Variants in DAB1 observed in about 807,000 individuals in gnomAD.
DAB1 encodes the protein DAB adaptor protein 1, also known as disabled homolog 1.
DAB1 carries 15 observed loss-of-function variants against 64.6 expected under a neutral mutation model. The ratio of observed to expected loss-of-function variants is 0.23; its 90% CI spans 0.16 to 0.36. DAB1 has a LOEUF of 0.36. Ranked by LOEUF, DAB1 falls within the 10% of genes least tolerant of loss-of-function variation. The pLI is 1.00. For missense variants in DAB1, 596 were observed against 706.7 expected, an observed-to-expected ratio of 0.84 and a Z score of 1.78; for synonymous variants, 235 against 251.9, an observed-to-expected ratio of 0.93 and a Z score of 0.64.
chr1:57,319,372 C>A (rs1675495626), intron 1 of DAB1, among the ~76,000 whole-genome samples: 1 of 141,066 alleles, frequency 7.1e-6, no homozygotes, highest in African/African-American at 2.4e-5. Flanking sequence ...ATCGCTGCCT[C>A]TTCTGTGGCA....
At chr1:58,032,149 G>A (rs776584558) in intron 5 of DAB1, among the ~76,000 whole-genome samples, 13 of 151,994 alleles carry the variant, frequency 8.6e-5, no homozygotes, top group South Asian at 2.1e-4. Context: ...AGACCCTAGT[G>A]CTAGTGAGTT....
intron 1 of DAB1, among the ~76,000 whole-genome samples, chr1:57,291,728 A>G (rs1304310686): frequency 6.6e-6 from 1 of 152,220 alleles, no homozygotes; most frequent in African/African-American, 2.4e-5. Context: ...TCCTCCAGCT[A>G]TAAGAGCAGA....
At chr1:57,731,933 A>T (rs1031087918) in intron 6 of DAB1, among the ~76,000 whole-genome samples, 3 of 152,136 alleles carry the variant, frequency 2.0e-5, no homozygotes, top group African/African-American at 7.2e-5. Context: ...CCTTCTTCAT[A>T]ATAATATGCA....
intron 7 of DAB1, among the ~76,000 whole-genome samples, chr1:57,595,631 C>T (rs546028261): frequency 1.4e-3 from 209 of 152,034 alleles, no homozygotes; most frequent in African/African-American, 5.0e-3. Flanking sequence ...TGTGTTCCCC[C>T]CCCACCCCCC....
intron 3 of DAB1, among the ~76,000 whole-genome samples, chr1:58,391,265 T>C (rs568807051): frequency 6.6e-6 from 1 of 152,278 alleles, no homozygotes; most frequent in East Asian, 1.9e-4. Context: ...GAGTCAAAGC[T>C]GTGGAGCAGA....
chr1:57,553,422 G>GAA (rs1452780502), intron 7 of DAB1, among the ~76,000 whole-genome samples: 206 of 18,310 alleles, frequency 0.011, 13 homozygotes, highest in Non-Finnish European at 0.012. Context: ...AAGAAAGAAA[G>GAA]AAAGAAAGAA....
chr1:58,207,843 G>C (rs1832489), intron 4 of DAB1, among the ~76,000 whole-genome samples: 28,831 of 152,130 alleles, frequency 0.19, 2,939 homozygotes, highest in East Asian at 0.38. Context: ...CACAAAGTTA[G>C]TAAGTAGTTG....
At chr1:58,491,308 A>C (rs1015672425) in intron 3 of DAB1, among the ~76,000 whole-genome samples, 1 of 152,218 alleles carries the variant, frequency 6.6e-6, no homozygotes, top group African/African-American at 2.4e-5. Context: ...CGCAGCAAAA[A>C]CATGCCAAAT....
intron 5 of DAB1, among the ~76,000 whole-genome samples, chr1:58,149,980 T>C (rs1042799366): frequency 1.3e-5 from 2 of 152,228 alleles, no homozygotes; most frequent in African/African-American, 4.8e-5. Context: ...TAAATTACTA[T>C]TGTTACTCAA....
intron 1 of DAB1, chr1:58,541,396 G>A (rs1646612544): frequency 7.1e-6 from 1 of 140,704 alleles, no homozygotes; most frequent in Non-Finnish European, 1.5e-5. Context: ...TGCAAAAAAT[G>A]CAAACTAATC....
intron 9 of DAB1, among the ~76,000 whole-genome samples, chr1:57,038,054 G>T (rs952434141): frequency 1.3e-5 from 2 of 152,084 alleles, no homozygotes; most frequent in African/African-American, 4.8e-5. Flanking sequence ...GTGGCTAGTG[G>T]CTACAGTATT....
intron 3 of DAB1, among the ~76,000 whole-genome samples, chr1:58,407,034 GTTA>G (rs1388258362): frequency 1.3e-5 from 2 of 152,166 alleles, no homozygotes; most frequent in African/African-American, 4.8e-5. Context: ...ATTTTGAACT[GTTA>G]TTATATATTT....
downstream of DAB1, among the ~76,000 whole-genome samples, chr1:57,821,574 A>T (rs575355289): frequency 7.9e-5 from 12 of 152,234 alleles, no homozygotes; most frequent in Non-Finnish European, 1.5e-4. Flanking sequence ...CAGATTCCTT[A>T]GGCAGCTCCC....
At chr1:58,513,140 A>G (rs1394874090) in intron 2 of DAB1, among the ~76,000 whole-genome samples, 1 of 152,130 alleles carries the variant, frequency 6.6e-6, no homozygotes, top group Admixed American at 6.5e-5. Flanking sequence ...TGACTGGATC[A>G]TGACAGCAGT....
intron 6 of DAB1, among the ~76,000 whole-genome samples, chr1:57,759,031 CATT>C (rs1648946645): frequency 6.6e-6 from 1 of 152,164 alleles, no homozygotes; most frequent in Admixed American, 6.5e-5. Flanking sequence ...GATTCCTAAT[CATT>C]GTTGTTGCTG....
At chr1:57,946,620 A>G (rs1410315425) in intron 5 of DAB1, among the ~76,000 whole-genome samples, 27 of 152,130 alleles carry the variant, frequency 1.8e-4, no homozygotes, top group Admixed American at 1.8e-3. Flanking sequence ...GGTCTGATAT[A>G]TATATTCCCT....
intron 4 of DAB1, among the ~76,000 whole-genome samples, chr1:58,189,408 G>A (rs1657262107): frequency 3.3e-5 from 5 of 152,242 alleles, no homozygotes; most frequent in Non-Finnish European, 7.3e-5. Flanking sequence ...AAACTGGCAT[G>A]CAGAGAATTT....
intron 7 of DAB1, among the ~76,000 whole-genome samples, chr1:57,588,419 C>T (rs1009791063): frequency 6.6e-6 from 1 of 152,142 alleles, no homozygotes; most frequent in African/African-American, 2.4e-5. Context: ...TTAGGACATC[C>T]ACATTACTAT....
chr1:58,472,816 G>C (rs1244194286), intron 3 of DAB1, among the ~76,000 whole-genome samples: 1 of 152,220 alleles, frequency 6.6e-6, no homozygotes, highest in Non-Finnish European at 1.5e-5. Context: ...GTCCTGGAAA[G>C]AAGAGATCCT....
Sources: allele counts gnomAD v4.1 joint callset (sites outside exome capture counted in the v4.1 genomes callset), GRCh38; gene constraint gnomAD v4.1.1; transcripts MANE v1.5; gene names NCBI Gene and HGNC (gene_info 2026-07-23, HGNC 2026-07-21).